Variants in LRP1B observed in about 807,000 individuals in gnomAD.
LRP1B encodes LDL receptor related protein 1B.
A neutral mutation model predicts 556.6 loss-of-function variants in LRP1B; 217 were observed. The observed-to-expected ratio is 0.39, with a 90% CI of 0.35 to 0.44. The LOEUF (loss-of-function observed/expected upper bound fraction) is 0.44. Ranked by LOEUF, LRP1B falls within the 20% of genes least tolerant of loss-of-function variation. The pLI is 1.00. For missense variants in LRP1B, 5,053 were observed against 5,620.8 expected (o/e 0.90, Z 3.23); for synonymous variants, 2,047 against 1,865.8 (o/e 1.10, Z -2.50).
intron 1 of LRP1B, among the ~76,000 whole-genome samples, chr2:142,096,712 CTATTT>C (rs1298986162): frequency 6.6e-6 from 1 of 151,562 alleles, no homozygotes; most frequent in African/African-American, 2.4e-5. Flanking sequence ...ATGTAAACTT[CTATTT>C]TATTTATTTA....
chr2:140,908,968 T>G (rs1448586908), intron 21 of LRP1B, among the ~76,000 whole-genome samples: 1 of 152,118 alleles, frequency 6.6e-6, no homozygotes, highest in Non-Finnish European at 1.5e-5. Context: ...CCCAGCTAAT[T>G]TTGTATTTTT....
At chr2:141,723,446 T>G (rs1420061586) in intron 2 of LRP1B, among the ~76,000 whole-genome samples, 6 of 151,572 alleles carry the variant, frequency 4.0e-5, no homozygotes, top group Non-Finnish European at 8.8e-5. Context: ...CTTAATTCTT[T>G]GGGTTCATTA....
chr2:140,370,973 A>C, intron 70 of LRP1B, 131 bp from the exon 71 acceptor site: 1 of 1,045,446 alleles, frequency 9.6e-7, no homozygotes, highest in Non-Finnish European at 1.4e-6. Context: ...GTCTTAATGA[A>C]TATAACTTCT....
chr2:141,139,216 GA>G (rs1370288456), intron 7 of LRP1B, among the ~76,000 whole-genome samples: 1 of 151,678 alleles, frequency 6.6e-6, no homozygotes, highest in Non-Finnish European at 1.5e-5. Context: ...TCTAAAAAAA[GA>G]TGAATCATAA....
chr2:141,640,186 CATTT>C (rs377309222), intron 2 of LRP1B, among the ~76,000 whole-genome samples: 103 of 152,312 alleles, frequency 6.8e-4, no homozygotes, highest in East Asian at 5.0e-3. Flanking sequence ...TTATAGGATT[CATTT>C]GTTTCCCTGA....
At chr2:141,891,487 T>G (rs2104914731) in intron 1 of LRP1B, among the ~76,000 whole-genome samples, 1 of 152,278 alleles carries the variant, frequency 6.6e-6, no homozygotes, top group Non-Finnish European at 1.5e-5. Flanking sequence ...AAGCAAAGGT[T>G]ATATATGCAT....
chr2:141,810,198 CA>C (rs1696313764), intron 2 of LRP1B, 80 bp downstream of exon 2: 1 of 1,275,502 alleles, frequency 7.8e-7, no homozygotes, highest in South Asian at 1.4e-5. Context: ...TCATCTAGAA[CA>C]GCAGTCATCT....
At chr2:140,604,324 A>G (rs1682788598) in intron 41 of LRP1B, among the ~76,000 whole-genome samples, 1 of 152,026 alleles carries the variant, frequency 6.6e-6, no homozygotes, top group Non-Finnish European at 1.5e-5. Flanking sequence ...ATGTTTTTGC[A>G]GAAGAAATAA....
chr2:141,078,299 GTTCATT>G (rs1317009258), intron 7 of LRP1B, among the ~76,000 whole-genome samples: 2 of 51,090 alleles, frequency 3.9e-5, no homozygotes, highest in East Asian at 1.4e-3. Context: ...TATCTGTCCA[GTTCATT>G]TTTTTTTTCC....
chr2:142,019,114 A>G (rs1008359428), intron 1 of LRP1B, among the ~76,000 whole-genome samples: 1 of 152,220 alleles, frequency 6.6e-6, no homozygotes, highest in African/African-American at 2.4e-5. Context: ...AAGCAAAATT[A>G]CATCTAATTC....
intron 74 of LRP1B, among the ~76,000 whole-genome samples, 180 bp downstream of exon 74, chr2:140,357,799 A>C (rs967444254): frequency 2.6e-5 from 4 of 151,652 alleles, no homozygotes; most frequent in African/African-American, 7.3e-5. Context: ...AACCTTGTCC[A>C]CTTCATACTT....
chr2:140,918,257 A>G (rs1293361057), intron 21 of LRP1B, among the ~76,000 whole-genome samples: 1 of 151,258 alleles, frequency 6.6e-6, no homozygotes, highest in Non-Finnish European at 1.5e-5. Context: ...TATTTGAAAT[A>G]CTTTTAAGAC....
At chr2:140,561,680 G>GA (rs1558969170) in intron 43 of LRP1B, among the ~76,000 whole-genome samples, 4 of 151,302 alleles carry the variant, frequency 2.6e-5, no homozygotes, top group Admixed American at 6.6e-5. Context: ...TATAAGTAAA[G>GA]AAAAAAATAA....
chr2:141,466,432 T>G (rs1467391584), intron 3 of LRP1B, among the ~76,000 whole-genome samples: 1 of 152,204 alleles, frequency 6.6e-6, no homozygotes, highest in East Asian at 1.9e-4. Flanking sequence ...TCCATTATCT[T>G]CTTCTTCCAA....
At chr2:141,882,853 A>T (rs994402742) in intron 1 of LRP1B, among the ~76,000 whole-genome samples, 8 of 152,114 alleles carry the variant, frequency 5.3e-5, no homozygotes, top group Non-Finnish European at 1.2e-4. Context: ...GGTTATAGGC[A>T]CACATTCTGT....
At chr2:141,109,416 A>G (rs1222731115) in intron 7 of LRP1B, among the ~76,000 whole-genome samples, 1 of 151,908 alleles carries the variant, frequency 6.6e-6, no homozygotes. Flanking sequence ...CCAGTCTTTT[A>G]AAAAACATCT....
chr2:141,355,738 A>G (rs549681235), intron 3 of LRP1B, among the ~76,000 whole-genome samples: 42 of 151,644 alleles, frequency 2.8e-4, no homozygotes, highest in Non-Finnish European at 4.9e-4. Context: ...AACTAGTATT[A>G]TAAGAGATAA....
At chr2:141,852,377 T>A (rs1325880765) in intron 1 of LRP1B, among the ~76,000 whole-genome samples, 1 of 151,766 alleles carries the variant, frequency 6.6e-6, no homozygotes, top group African/African-American at 2.4e-5. Context: ...AAAGTGATCT[T>A]TCTAATAGTA....
intron 2 of LRP1B, among the ~76,000 whole-genome samples, chr2:141,540,264 A>G (rs1685209430): frequency 6.6e-6 from 1 of 151,734 alleles, no homozygotes; most frequent in Non-Finnish European, 1.5e-5. Context: ...AATTTAACAC[A>G]TTAGGGAGTA....
Sources: gnomAD v4.1 joint callset for allele counts (sites outside exome capture counted in the v4.1 genomes callset) on GRCh38, gnomAD v4.1.1 for gene constraint, MANE v1.5 for transcripts, NCBI Gene and HGNC (gene_info 2026-07-23, HGNC 2026-07-21) for gene names.